Variants in ZNF469 observed in about 807,000 individuals in gnomAD.
ZNF469 encodes zinc finger protein 469.
ZNF469 carries 1 observed loss-of-function variant against 1.0 expected under a neutral mutation model. That is an observed-to-expected ratio of 1.00 (90% CI 0.35 to 4.73). The LOEUF is 4.73. Ranked by LOEUF, ZNF469 falls within the 30% of genes most tolerant of loss-of-function variation. The probability of loss-of-function intolerance (pLI) is 0.16; values close to 1 mark genes in which losing one functional copy is unlikely to be tolerated. For missense variants in ZNF469, 6,100 were observed against 5,356.3 expected, an observed-to-expected ratio of 1.14 and a Z score of -4.33; for synonymous variants, 2,703 against 2,363.4, an observed-to-expected ratio of 1.14 and a Z score of -4.17.
chr16:88,319,082 A>G, the ZNF469 span, among the ~76,000 whole-genome samples: 2 of 152,094 alleles, frequency 1.3e-5, no homozygotes, highest in Admixed American at 6.5e-5. Flanking sequence ...CTGGGGCAGG[A>G]TGGGACTCTG....
At chr16:88,239,693 ATATATATATATATATATATATATTTTT>A in the ZNF469 span, among the ~76,000 whole-genome samples, 1,798 of 8,590 alleles carry the variant, frequency 0.21, 241 homozygotes, top group Non-Finnish European at 0.26. Context: ...ATATATATAT[ATATATATATATATATATATATATTTTT>A]TTTTTTTTTT....
the ZNF469 span, among the ~76,000 whole-genome samples, chr16:88,105,480 T>G: frequency 6.6e-6 from 1 of 152,038 alleles, no homozygotes. Context: ...AATTTTCGTA[T>G]TTTTAGTAGA....
chr16:88,316,421 C>T, the ZNF469 span, among the ~76,000 whole-genome samples: 1 of 152,282 alleles, frequency 6.6e-6, no homozygotes, highest in East Asian at 1.9e-4. Flanking sequence ...AGTAACACTC[C>T]TTCCGGGGTT....
At position 88,435,102 on chromosome 16, in the gene ZNF469, A is replaced by G. The variant is rs1906476424; in HGVS notation, c.7632A>G (p.Gly2544=). The G allele has an allele frequency of 6.5e-7, 1 of 1,550,234 alleles. No homozygotes were observed. Among genetic ancestry groups the G allele is most frequent in the Non-Finnish European group, 8.7e-7 (1 of 1,146,980 alleles). The part of the protein sequence containing the change: ...SGKERPNHSR[G]DPSHVTQPPP... The stretch of plus-strand genomic sequence containing the variant: ...AGGAGAGACCAAATCACTCACGGGG[A>G]GACCCCAGCCACGTCACCCAGCCAC... The change falls in exon 3 of 3, where the codon GGA becomes GGG. Residue 2544 remains glycine, a synonymous_variant. Transcript: ENST00000565624.
At chr16:88,146,552 A>G in the ZNF469 span, among the ~76,000 whole-genome samples, 2 of 151,912 alleles carry the variant, frequency 1.3e-5, no homozygotes, top group East Asian at 3.9e-4. Context: ...GGCTCCTGGG[A>G]AAGAATCTGG....
Position 88,435,753 on chromosome 16 carries a change from C to A in ZNF469, c.8283C>A (p.Thr2761=), listed in dbSNP as rs981223435. Reference sequence around the variant, plus strand: ...GGGGGTTCTGGGGACCAAGAGAGACCAAGGCGTTGGGTGTGTGCAAAGAGT... The same window carrying A: ...GGGGGTTCTGGGGACCAAGAGAGACAAAGGCGTTGGGTGTGTGCAAAGAGT... ...SARGFWGPRE[T]KALGVCKESG... Residue 2761 remains threonine, a synonymous_variant, in exon 3 of 3, where the codon ACC becomes ACA. Transcript: ENST00000565624. The A allele has an allele frequency of 3.2e-6, 5 of 1,550,656 alleles. No individual in the cohort carries two copies. In the Admixed American group the frequency reaches 7.8e-5, roughly 24 times the overall value.
chr16:88,419,794 A>C (rs1204153171), intron 1 of ZNF469, among the ~76,000 whole-genome samples: 1 of 152,246 alleles, frequency 6.6e-6, no homozygotes, highest in African/African-American at 2.4e-5. Context: ...GCAGCCGCTC[A>C]GGTCACCCAG....
chr16:88,101,992 G>A, the ZNF469 span, among the ~76,000 whole-genome samples: 3 of 152,134 alleles, frequency 2.0e-5, no homozygotes, highest in African/African-American at 4.8e-5. Context: ...GGACTTAAGC[G>A]ACGGAACAGG....
At chr16:88,266,031 C>A in the ZNF469 span, among the ~76,000 whole-genome samples, 2 of 152,266 alleles carry the variant, frequency 1.3e-5, no homozygotes, top group African/African-American at 4.8e-5. Flanking sequence ...AGCTGCCACC[C>A]CTAAGTGCCA....
the ZNF469 span, among the ~76,000 whole-genome samples, chr16:88,277,575 G>T: frequency 2.2e-5 from 3 of 136,434 alleles, 1 homozygote; most frequent in East Asian, 2.3e-4. Flanking sequence ...GTAGATATCA[G>T]GGCACGGTTA....
chr16:88,107,900 G>A, the ZNF469 span, among the ~76,000 whole-genome samples: 47 of 152,242 alleles, frequency 3.1e-4, no homozygotes, highest in Non-Finnish European at 4.9e-4. Flanking sequence ...CTTGGTTTGT[G>A]ATGTCATGGC....
upstream of ZNF469, among the ~76,000 whole-genome samples, chr16:88,378,473 C>G (rs2092514368): frequency 1.3e-5 from 2 of 152,282 alleles, no homozygotes; most frequent in African/African-American, 4.8e-5. Context: ...CACACAAGCC[C>G]CTGCTCACCT....
the ZNF469 span, among the ~76,000 whole-genome samples, chr16:88,162,966 G>A: frequency 6.6e-6 from 1 of 152,252 alleles, no homozygotes; most frequent in Non-Finnish European, 1.5e-5. Context: ...TGGTTGGGGA[G>A]GGAGTAGGTG....
the ZNF469 span, among the ~76,000 whole-genome samples, chr16:88,225,402 A>G: frequency 2.6e-5 from 4 of 152,234 alleles, no homozygotes; most frequent in African/African-American, 9.6e-5. Flanking sequence ...GGCATTTTGA[A>G]GGAGGCTTTA....
At chr16:88,301,181 G>A in the ZNF469 span, among the ~76,000 whole-genome samples, 2 of 151,202 alleles carry the variant, frequency 1.3e-5, no homozygotes, top group Non-Finnish European at 2.9e-5. Flanking sequence ...TTGAGATGGA[G>A]TCTCGCTCTG....
At chr16:88,241,559 G>A in the ZNF469 span, among the ~76,000 whole-genome samples, 12 of 152,264 alleles carry the variant, frequency 7.9e-5, no homozygotes, top group South Asian at 2.5e-3. The surrounding 1 kb of genome is among the most constrained non-coding windows in gnomAD (Gnocchi z 4.8). Flanking sequence ...CACAGTGGTT[G>A]TCCCTCCCTT....
the ZNF469 span, among the ~76,000 whole-genome samples, chr16:88,261,461 G>A: frequency 1.3e-5 from 2 of 152,262 alleles, 1 homozygote; most frequent in Middle Eastern, 6.8e-3. This position sits in a 1 kb window ranked among gnomAD's most constrained non-coding sequence, Gnocchi z 6.0. Context: ...CAGAGGCGGG[G>A]GACTTGTCTG....
In ZNF469 at chr16:88,433,258, C is replaced by A; in HGVS notation, c.5788C>A (p.Gln1930Lys). 6.5e-7 allele frequency: 1 copy of A among 1,550,344 alleles called. No individual in the cohort carries two copies. Among genetic ancestry groups the A allele is most frequent in the Non-Finnish European group, 8.7e-7 (1 of 1,146,958 alleles). ...CTTGCAGGAGCTGACACCTGCTGCC[C>A]AGAGCCCTCCACGAGTGAACCCCTC... is the stretch of plus-strand genomic sequence containing the variant. ...LGLQELTPAA[Q>K]SPPRVNPSGL... The change falls in exon 3 of 3, where the codon CAG becomes AAG. Residue 1930 changes from glutamine (Q) to lysine (K), a missense_variant. Coordinates refer to ENST00000565624, the MANE Select transcript of ZNF469 (RefSeq NM_001367624.2).
Position 88,424,651 on chromosome 16 carries a change from A to G in ZNF469, c.-191-156A>G, listed in dbSNP as rs1905623208. ...GCCCGCTGGCCTCTGAGGGGAGCTC[A>G]CCCATCTCCCGGTGGCTCTTGGTGG... On this transcript the variant is annotated intron_variant, in intron 1 of 2. Coordinates refer to ENST00000565624, the MANE Select transcript of ZNF469 (RefSeq NM_001367624.2). This position sits in a 1 kb window ranked among gnomAD's most constrained non-coding sequence, Gnocchi z 4.3. 6.6e-6 allele frequency among the ~76,000 whole-genome samples: 1 copy of G among 151,572 alleles called. No individual in the cohort carries two copies. Among genetic ancestry groups the G allele is most frequent in the South Asian group, 2.1e-4 (1 of 4,750 alleles).
Sources: allele counts gnomAD v4.1 joint callset (sites outside exome capture counted in the v4.1 genomes callset), GRCh38; gene constraint gnomAD v4.1.1; non-coding constraint Gnocchi (gnomAD v3.1); transcripts MANE v1.5; gene names NCBI Gene and HGNC (gene_info 2026-07-23, HGNC 2026-07-21).